NKAIN3: variants seen among roughly 807,000 people sequenced by gnomAD.
NKAIN3 encodes sodium/potassium-transporting ATPase subunit beta-1-interacting protein 3.
In NKAIN3, 25 loss-of-function variants were observed where a neutral mutation model predicts 30.2. That is an observed-to-expected ratio of 0.83 (90% CI 0.60 to 1.16). The LOEUF (loss-of-function observed/expected upper bound fraction) is 1.16, where lower values mean the gene tolerates loss of function less well. Among genes scored for constraint, NKAIN3 ranks in the 50% most tolerant of loss-of-function variants. NKAIN3 has a pLI of 0.00. For synonymous variants in NKAIN3, 91 were observed against 89.6 expected (o/e 1.02, Z -0.09); for missense variants, 225 against 254.1 (o/e 0.89, Z 0.78).
intron 1 of NKAIN3, among the ~76,000 whole-genome samples, chr8:62,407,490 C>T (rs1049624041): frequency 9.9e-5 from 15 of 151,354 alleles, no homozygotes; most frequent in Admixed American, 1.3e-4. Flanking sequence ...CTCCGCCTCC[C>T]GAGTTCAAGT....
intron 1 of NKAIN3, among the ~76,000 whole-genome samples, chr8:62,475,093 A>C (rs926848731): frequency 2.6e-5 from 4 of 152,190 alleles, no homozygotes; most frequent in Non-Finnish European, 5.9e-5. Context: ...CCAAAACTAC[A>C]AACTGGAAAG....
intron 4 of NKAIN3, among the ~76,000 whole-genome samples, chr8:62,768,621 C>A (rs1563553693): frequency 6.6e-6 from 1 of 152,154 alleles, no homozygotes; most frequent in South Asian, 2.1e-4. Flanking sequence ...CAGTTGTCAA[C>A]AGGAAATAGC....
At chr8:62,607,415 A>G (rs538404628) in intron 3 of NKAIN3, among the ~76,000 whole-genome samples, 17 of 152,200 alleles carry the variant, frequency 1.1e-4, no homozygotes, top group African/African-American at 4.1e-4. Flanking sequence ...TTCTCTTGGG[A>G]CCATTCAGCA....
chr8:62,359,130 C>T (rs979840691), intron 1 of NKAIN3, among the ~76,000 whole-genome samples: 4 of 152,146 alleles, frequency 2.6e-5, no homozygotes, highest in African/African-American at 9.7e-5. Context: ...TTGCAGTGAG[C>T]GGAGATGTGC....
chr8:62,735,914 T>C (rs941631684), intron 3 of NKAIN3, among the ~76,000 whole-genome samples: 1 of 152,086 alleles, frequency 6.6e-6, no homozygotes, highest in African/African-American at 2.4e-5. Flanking sequence ...ATTTCTCTCC[T>C]GGATCTAGGC....
chr8:62,711,839 GT>G (rs1420935167), intron 3 of NKAIN3, among the ~76,000 whole-genome samples: 1 of 152,158 alleles, frequency 6.6e-6, no homozygotes, highest in Admixed American at 6.5e-5. Context: ...ACCAGGGTTG[GT>G]TTTCTGGTCT....
chr8:62,329,766 G>A (rs190711804), intron 1 of NKAIN3, among the ~76,000 whole-genome samples: 89 of 152,052 alleles, frequency 5.9e-4, no homozygotes, highest in Middle Eastern at 3.4e-3. Context: ...TTGATTTCAC[G>A]TCCTTACTAT....
In NKAIN3 at chr8:62,249,014, C is replaced by T; in HGVS notation, c.-60C>T. ...CGGGGACTACTCCGGAGTCAGGAGGCAGCAGCGGCGGAGGACGAGGATCTC... is the reference window on the plus strand; with the variant it reads ...CGGGGACTACTCCGGAGTCAGGAGGTAGCAGCGGCGGAGGACGAGGATCTC... On this transcript the variant is annotated 5_prime_UTR_variant, in exon 1 of 7. Transcript: ENST00000623646. 7 of 1,455,416 alleles carry T rather than the reference C, an allele frequency of 4.8e-6. No homozygotes were observed. Among genetic ancestry groups the T allele is most frequent in the Non-Finnish European group, 6.5e-6 (7 of 1,075,762 alleles). 90.2% of individuals were successfully genotyped at this position (1,455,416 alleles called of 1,614,324 possible). A position where few individuals can be genotyped will look rare whatever the true frequency, so the allele number is the denominator to read the frequency against.
rs566316079 is a variant in NKAIN3, at chr8:62,290,965, C to G, written c.54+41838C>G. The stretch of plus-strand genomic sequence containing the variant: ...TTCCACTTCTTCCTGGTTTAGTCTT[C>G]GGAGGGTGTATGTGCCCAGGAATTT... On this transcript the variant is annotated intron_variant, in intron 1 of 6. Coordinates refer to ENST00000623646, the MANE Select transcript of NKAIN3 (RefSeq NM_001304533.3). Among the ~76,000 whole-genome samples, 1,169 of 151,980 alleles carry G rather than the reference C, an allele frequency of 7.7e-3. 13 individuals carry two copies. Among genetic ancestry groups the G allele is most frequent in the African/African-American group, 0.027 (1,107 of 41,482 alleles).
chr8:62,338,987 A>C (rs765789083), intron 1 of NKAIN3, among the ~76,000 whole-genome samples: 1 of 152,012 alleles, frequency 6.6e-6, no homozygotes, highest in Non-Finnish European at 1.5e-5. Context: ...CATACTCAGT[A>C]TTAACCATCA....
chr8:62,910,879 C>A (rs185849238), intron 4 of NKAIN3, among the ~76,000 whole-genome samples: 1 of 151,878 alleles, frequency 6.6e-6, no homozygotes, highest in Admixed American at 6.6e-5. Context: ...TCTCAAGAGA[C>A]GTTCTCATCA....
At position 62,500,467 on chromosome 8, in the gene NKAIN3, A is replaced by AAGAAAG. The variant is rs1554540121; in HGVS notation, c.55-79070_55-79065dup. ...AAAGAAAGAAAGAAAGAAAGAAAGA[A>AAGAAAG]AGAAAGAAAGAAAGAAAGAAGAAAA... On this transcript the variant is annotated intron_variant, in intron 1 of 6. Transcript: ENST00000623646. 9.5e-4 allele frequency among the ~76,000 whole-genome samples: 135 copies of AAGAAAG among 142,338 alleles called. 1 individual carries two copies. The highest frequency in any genetic ancestry group is 2.4e-3 in the South Asian group (11 of 4,652). 93.4% of individuals were successfully genotyped at this position (142,338 alleles called of 152,430 possible).
At chr8:62,284,357 C>T (rs546018480) in intron 1 of NKAIN3, among the ~76,000 whole-genome samples, 78 of 152,090 alleles carry the variant, frequency 5.1e-4, no homozygotes, top group Middle Eastern at 3.4e-3. Context: ...TACCCAGGCG[C>T]GGTGGCTTAC....
chr8:62,906,983 C>G (rs1821796069), intron 4 of NKAIN3, among the ~76,000 whole-genome samples: 1 of 152,098 alleles, frequency 6.6e-6, no homozygotes, highest in South Asian at 2.1e-4. Context: ...GCTCAGAAGA[C>G]AGGAAGGTGT....
At chr8:62,693,885 A>G (rs951519925) in intron 3 of NKAIN3, among the ~76,000 whole-genome samples, 4 of 152,186 alleles carry the variant, frequency 2.6e-5, no homozygotes, top group African/African-American at 9.7e-5. Context: ...TCATGACTTG[A>G]GCTAAATCTG....
At chr8:62,593,917 T>A (rs566650226) in intron 3 of NKAIN3, among the ~76,000 whole-genome samples, 4 of 152,002 alleles carry the variant, frequency 2.6e-5, no homozygotes, top group Non-Finnish European at 5.9e-5. Flanking sequence ...TAGGTGGGGA[T>A]CCTCAGTGGG....
At chr8:62,819,128 T>C (rs753755503) in intron 4 of NKAIN3, among the ~76,000 whole-genome samples, 2 of 129,112 alleles carry the variant, frequency 1.5e-5, no homozygotes, top group Non-Finnish European at 3.3e-5. Context: ...GTTACAGAAT[T>C]ATCGTTATAT....
In NKAIN3 at chr8:62,448,095, A is replaced by G. The variant is rs539038654; in HGVS notation, c.55-131444A>G. 3.9e-5 allele frequency among the ~76,000 whole-genome samples: 6 copies of G among 152,056 alleles called. No homozygotes were observed. The South Asian group carries it at 1.0e-3, about 26-fold the overall frequency. On this transcript the variant is annotated intron_variant, in intron 1 of 6. Transcript: ENST00000623646. ...TAATAATTAGGTATAATTTATAATG[A>G]ACAAATTGATTGTTTTATATATTAT...
intron 4 of NKAIN3, among the ~76,000 whole-genome samples, chr8:62,902,850 C>A (rs984244554): frequency 6.6e-6 from 1 of 152,236 alleles, no homozygotes. Context: ...CTTAAATAGG[C>A]CCCTTTACAA....
Sources: allele counts gnomAD v4.1 joint callset (sites outside exome capture counted in the v4.1 genomes callset), GRCh38; gene constraint gnomAD v4.1.1; transcripts MANE v1.5; gene names NCBI Gene and HGNC (gene_info 2026-07-23, HGNC 2026-07-21).